Variants in UNC93B1 observed in about 807,000 individuals in gnomAD.
The protein encoded by UNC93B1 is unc-93B1 regulator of TLR signaling, also known as protein unc-93 homolog B1.
A neutral mutation model predicts 56.8 loss-of-function variants in UNC93B1; 33 were observed. The observed-to-expected ratio is 0.58, with a 90% CI of 0.44 to 0.78. The LOEUF (loss-of-function observed/expected upper bound fraction) is 0.78, where lower values mean the gene tolerates loss of function less well. Among genes scored for constraint, UNC93B1 ranks in the 30% least tolerant of loss-of-function variants. The probability of loss-of-function intolerance (pLI) is 0.00; values close to 1 mark genes in which losing one functional copy is unlikely to be tolerated. For synonymous variants in UNC93B1, 334 were observed against 358.6 expected (o/e 0.93, Z 0.77); for missense variants, 673 against 819.5 (o/e 0.82, Z 2.18).
intron 3 of UNC93B1, 112 bp from the exon 4 acceptor site, chr11:67,999,792 G>T: frequency 7.2e-7 from 1 of 1,382,494 alleles, no homozygotes; most frequent in Non-Finnish European, 9.8e-7. Flanking sequence ...GTGAGGTAGA[G>T]AGAGTCGAGG....
At position 67,999,203 on chromosome 11, in the gene UNC93B1, G is replaced by A. The variant is rs1477540309; in HGVS notation, c.657C>T (p.Val219=). The change falls in exon 5 of 11, where the codon GTC becomes GTT. Residue 219 remains valine (V), a synonymous_variant. Coordinates refer to ENST00000227471, the MANE Select transcript of UNC93B1 (RefSeq NM_030930.4). ...AGAAGCTGTAGAAGATGGCTTGGAAGACCAGGAGATAGGGCGCGTGGGAGC... is the reference window on the plus strand; with the variant it reads ...AGAAGCTGTAGAAGATGGCTTGGAAAACCAGGAGATAGGGCGCGTGGGAGC... The part of the protein sequence containing the change: ...PRGSHAPYLL[V]FQAIFYSFFH... The A allele has an allele frequency of 1.5e-5, 24 of 1,613,974 alleles. No individual in the cohort carries two copies. The highest frequency in any genetic ancestry group is 2.0e-5 in the Non-Finnish European group (24 of 1,179,896).
At chr11:67,998,146 T>C (rs1856981228) in intron 6 of UNC93B1, among the ~76,000 whole-genome samples, 1 of 152,224 alleles carries the variant, frequency 6.6e-6, no homozygotes, top group Admixed American at 6.5e-5. Flanking sequence ...TCAGCCCAGA[T>C]GGTGCCTTCT....
chr11:67,997,874 C>A, intron 6 of UNC93B1, 75 bp from the exon 7 acceptor site: 1 of 1,561,354 alleles, frequency 6.4e-7, no homozygotes, highest in South Asian at 1.2e-5. Context: ...AGGGTGGAGC[C>A]ACGCAGGCCG....
chr11:68,003,023 T>C lies in UNC93B1; in HGVS notation c.391A>G (p.Arg131Gly). 6.2e-7 allele frequency: 1 copy of C among 1,608,836 alleles called. No homozygotes were observed. Among genetic ancestry groups the C allele is most frequent in the Non-Finnish European group, 8.5e-7 (1 of 1,177,768 alleles). The change falls in exon 3 of 11, where the codon AGG becomes GGG. Residue 131 changes from arginine to glycine, a missense_variant and splice_region_variant. Physicochemically the swap from Arg to Gly is moderately radical, Grantham distance 125 (BLOSUM62 -2). Coordinates refer to ENST00000227471, the MANE Select transcript of UNC93B1 (RefSeq NM_030930.4). This position sits in a 1 kb window ranked among gnomAD's most constrained non-coding sequence, Gnocchi z 4.4. ...AALLYTPVLI[R>G]FFGTKWMMFL... ...TCCCACAGGAGCAGCCGCGCCCACC[T>C]GATGAGCACAGGTGTGTAGAGCAGG...
At position 68,003,592 on chromosome 11, in the gene UNC93B1, G is replaced by T; in HGVS notation, c.238+65C>A. The T allele has an allele frequency of 1.4e-6, 2 of 1,478,896 alleles. No homozygotes were observed. Among genetic ancestry groups the T allele is most frequent in the Non-Finnish European group, 1.8e-6 (2 of 1,118,094 alleles). 91.6% of individuals were successfully genotyped at this position (1,478,896 alleles called of 1,614,324 possible). A position where few individuals can be genotyped will look rare whatever the true frequency, so the allele number is the denominator to read the frequency against. On this transcript the variant is annotated intron_variant, in intron 2 of 10. Coordinates refer to ENST00000227471, the MANE Select transcript of UNC93B1 (RefSeq NM_030930.4). This position sits in a 1 kb window ranked among gnomAD's most constrained non-coding sequence, Gnocchi z 4.4. ...AGCGGGCGGGAGGCGGCGGCCCGCG[G>T]TTTCTGTTTCCCGGGCCGGGCTGGG...
chr11:67,991,737 T>C lies in UNC93B1; in HGVS notation c.1603A>G (p.Lys535Glu). The C allele has an allele frequency of 1.3e-6, 2 of 1,538,084 alleles. No individual in the cohort carries two copies. The highest frequency in any genetic ancestry group is 1.7e-6 in the Non-Finnish European group (2 of 1,149,168). ...TCCAAGTAGCGGTAACCGCGCACCT[T>C]GTGCTGGGGCCGCGGGATGCGGGGC... Reference protein sequence around the residue: ...RQPRIPRPQHKVRGYRYLEED... With the variant: ...RQPRIPRPQHEVRGYRYLEED... The change falls in exon 11 of 11, where the codon AAG becomes GAG. Residue 535 changes from lysine to glutamate, a missense_variant. This residue lies in a region of UNC93B1 where 155 missense variants were observed against 268.3 expected (regional missense o/e 0.58). Transcript: ENST00000227471.
intron 5 of UNC93B1, among the ~76,000 whole-genome samples, chr11:67,998,814 T>C (rs1856995563): frequency 6.6e-6 from 1 of 152,088 alleles, no homozygotes; most frequent in East Asian, 1.9e-4. Flanking sequence ...GGAGGATCAC[T>C]TGAGCCCAGC....
At position 68,004,012 on chromosome 11, in the gene UNC93B1, G is replaced by A. The variant is rs929257396; in HGVS notation, c.32C>T (p.Ala11Val). 2 of 1,401,002 alleles carry A rather than the reference G, an allele frequency of 1.4e-6. No homozygotes were observed. The highest frequency in any genetic ancestry group is 2.7e-5 in the Admixed American group (1 of 37,504). The allele number at this position is 1,401,002 out of a possible 1,614,324, so 86.8% of individuals were successfully genotyped here. The change falls in exon 1 of 11, where the codon GCG becomes GTG. Residue 11 changes from alanine (A) to valine (V), a missense_variant. Around this residue, in one of 3 missense-constraint regions of UNC93B1, gnomAD observed 438 missense variants for 465.9 expected, o/e 0.94. Coordinates refer to ENST00000227471, the MANE Select transcript of UNC93B1 (RefSeq NM_030930.4). MEAEPPLYPM[A>V]GAAGPQGDED... ...GTCGCCCTGCGGCCCCGCAGCCCCCGCCATCGGGTAGAGCGGCGGCTCCGC... is the reference window on the plus strand; with the variant it reads ...GTCGCCCTGCGGCCCCGCAGCCCCCACCATCGGGTAGAGCGGCGGCTCCGC...
At chr11:67,998,549 G>A in intron 5 of UNC93B1, 97 bp from the exon 6 acceptor site, 2 of 1,226,086 alleles carry the variant, frequency 1.6e-6, no homozygotes, top group South Asian at 1.3e-5. Flanking sequence ...AGCCTTGGGG[G>A]AACAGGGGCC....
In UNC93B1 at chr11:67,995,133, A is replaced by G. The variant is rs149234920; in HGVS notation, c.1363+478T>C. On this transcript the variant is annotated intron_variant, in intron 9 of 10. Transcript: ENST00000227471. The stretch of plus-strand genomic sequence containing the variant: ...CTTGCTCCTACCACATGCTCCGTGA[A>G]GCAGAGACCAAAACATCTGCTCCAA... Among the ~76,000 whole-genome samples, 402 of 152,306 alleles carry G rather than the reference A, an allele frequency of 2.6e-3. 1 individual carries two copies. In the Middle Eastern group the frequency reaches 0.037, roughly 14 times the overall value.
In UNC93B1 at chr11:67,995,395, C is replaced by T. The variant is rs554194171; in HGVS notation, c.1363+216G>A. On this transcript the variant is annotated intron_variant, in intron 9 of 10. Coordinates refer to ENST00000227471, the MANE Select transcript of UNC93B1 (RefSeq NM_030930.4). ...TACCTGTCTCCAGGGTGTCCACACC[C>T]TACCCATCTGTCCCCAGTGTGTCCA... is the stretch of plus-strand genomic sequence containing the variant. 2.4e-4 allele frequency among the ~76,000 whole-genome samples: 36 copies of T among 152,144 alleles called. No homozygotes were observed. In the South Asian group the frequency reaches 7.5e-3, roughly 32 times the overall value.
At chr11:67,997,046 CT>C (rs1856960120) in intron 7 of UNC93B1, among the ~76,000 whole-genome samples, 1 of 152,068 alleles carries the variant, frequency 6.6e-6, no homozygotes, top group Non-Finnish European at 1.5e-5. Context: ...GCCCCATCCC[CT>C]CTCTCTCACA....
At chr11:67,998,854 A>T (rs1856996146) in intron 5 of UNC93B1, among the ~76,000 whole-genome samples, 1 of 152,036 alleles carries the variant, frequency 6.6e-6, no homozygotes, top group Non-Finnish European at 1.5e-5. Context: ...CTGTGACTGC[A>T]CTACTGCACT....
chr11:67,993,753 A>T lies in UNC93B1; in HGVS notation c.1405T>A (p.Phe469Ile). The T allele has an allele frequency of 8.0e-7, 1 of 1,256,908 alleles. No individual in the cohort carries two copies. The allele number at this position is 1,256,908 out of a possible 1,614,324, so 77.9% of individuals were successfully genotyped here. A position where few individuals can be genotyped will look rare whatever the true frequency, so the allele number is the denominator to read the frequency against. Residue 469 changes from phenylalanine (F) to isoleucine (I), a missense_variant, in exon 10 of 11, where the codon TTC (phenylalanine) becomes ATC (isoleucine). Coordinates refer to ENST00000227471, the MANE Select transcript of UNC93B1 (RefSeq NM_030930.4). ...CACCAGTGGTAGATGGTGAAGATGA[A>T]GTCCTGTCTCTCCTTGTCTTCGTAC... ...ILYEDKERQD[F>I]IFTIYHWWQA...
rs1856989477 is a variant in UNC93B1 at position 67,998,466 on chromosome 11, G to A, written c.688-14C>T. 6.2e-7 allele frequency: 1 copy of A among 1,613,660 alleles called. No individual in the cohort carries two copies. The highest frequency in any genetic ancestry group is 8.5e-7 in the Non-Finnish European group (1 of 1,179,718). ...GGCGAAGCTCAGCTGCAGAAACAAGGGCAGTTGGGACCAGACTCAGGCACA... is the reference window on the plus strand; with the variant it reads ...GGCGAAGCTCAGCTGCAGAAACAAGAGCAGTTGGGACCAGACTCAGGCACA... On this transcript the variant is annotated splice_polypyrimidine_tract_variant and intron_variant, in intron 5 of 10. Coordinates refer to ENST00000227471, the MANE Select transcript of UNC93B1 (RefSeq NM_030930.4).
intron 3 of UNC93B1, among the ~76,000 whole-genome samples, chr11:68,001,771 C>T (rs1051113023): frequency 6.6e-6 from 1 of 151,714 alleles, no homozygotes; most frequent in African/African-American, 2.4e-5. Flanking sequence ...TCAGTGCCAC[C>T]GTATCTGCAG....
Position 67,995,729 on chromosome 11 carries a change from G to A in UNC93B1, c.1245C>T (p.Leu415=). 6.5e-7 allele frequency: 1 copy of A among 1,548,628 alleles called. No individual in the cohort carries two copies. The highest frequency in any genetic ancestry group is 8.7e-7 in the Non-Finnish European group (1 of 1,146,948). Residue 415 remains leucine, a synonymous_variant, in exon 9 of 11, where the codon CTC becomes CTT. Coordinates refer to ENST00000227471, the MANE Select transcript of UNC93B1 (RefSeq NM_030930.4). ...GGGCCCAGAAAAAGAGGATGAAGGT[G>A]AGCAGCAGGTGCACCCCTGCTCCGG... ...LVAGAGVHLL[L]TFILFFWAPV... is the part of the protein sequence containing the mutation.
Position 67,995,815 on chromosome 11 carries a change from A to G in UNC93B1, c.1159T>C (p.Ser387Pro). The change falls in exon 9 of 11, where the codon TCA becomes CCA. Residue 387 changes from serine (S) to proline (P), a missense_variant. Physicochemically the swap from Ser to Pro is moderately conservative, Grantham distance 74 (BLOSUM62 -1). Around this residue, in one of 3 missense-constraint regions of UNC93B1, gnomAD observed 155 missense variants for 268.3 expected, o/e 0.58. Coordinates refer to ENST00000227471, the MANE Select transcript of UNC93B1 (RefSeq NM_030930.4). Reference sequence around the variant, plus strand: ...AGCAGGCCCAGGAGTGAGGCGGCTGAGGCGCCCAGGCTGTAAGCCACGAGG... The same window carrying G: ...AGCAGGCCCAGGAGTGAGGCGGCTGGGGCGCCCAGGCTGTAAGCCACGAGG... ...YLLVAYSLGA[S>P]AASLLGLLGL... 2 of 1,546,024 alleles carry G rather than the reference A, an allele frequency of 1.3e-6. No individual in the cohort carries two copies. The highest frequency in any genetic ancestry group is 1.7e-6 in the Non-Finnish European group (2 of 1,146,128).
chr11:67,997,644 C>G, intron 7 of UNC93B1, 31 bp downstream of exon 7: 1 of 1,598,704 alleles, frequency 6.3e-7, no homozygotes, highest in Non-Finnish European at 8.5e-7. Flanking sequence ...CTCTGCTTCA[C>G]TGACTGTCCT....
Sources: gnomAD v4.1 joint callset for allele counts (sites outside exome capture counted in the v4.1 genomes callset) on GRCh38, gnomAD v4.1.1 for gene constraint, gnomAD v4.1.1 regional missense constraint, Gnocchi (gnomAD v3.1) non-coding constraint, MANE v1.5 for transcripts, NCBI Gene and HGNC (gene_info 2026-07-23, HGNC 2026-07-21) for gene names.